ATG10: variants seen among roughly 807,000 people sequenced by gnomAD.
The protein encoded by ATG10 is ubiquitin-like-conjugating enzyme ATG10.
A neutral mutation model predicts 32.1 loss-of-function variants in ATG10; 30 were observed. The observed-to-expected ratio is 0.94, with a 90% confidence interval of 0.70 to 1.27. ATG10 has a LOEUF of 1.27. ATG10 is among the 50% of genes most tolerant of loss of function. The pLI, the probability that ATG10 is intolerant of heterozygous loss-of-function variation, is 0.00. For missense variants in ATG10, 233 were observed against 262.3 expected (o/e 0.89, Z 0.77); for synonymous variants, 87 against 91.5 (o/e 0.95, Z 0.28).
chr5:82,125,499 C>T (rs907299672), intron 3 of ATG10, among the ~76,000 whole-genome samples: 6 of 152,158 alleles, frequency 3.9e-5, no homozygotes, highest in Non-Finnish European at 8.8e-5. Flanking sequence ...TATGGCTAGC[C>T]AGTTTTCCCA....
At chr5:82,037,822 A>G (rs1206108602) in intron 2 of ATG10, among the ~76,000 whole-genome samples, 2 of 152,172 alleles carry the variant, frequency 1.3e-5, no homozygotes, top group Non-Finnish European at 2.9e-5. Flanking sequence ...TTACATTGAC[A>G]GATTTTCTAA....
At chr5:82,236,688 GTC>G (rs1383905469) in intron 5 of ATG10, among the ~76,000 whole-genome samples, 3 of 152,130 alleles carry the variant, frequency 2.0e-5, no homozygotes, top group Non-Finnish European at 4.4e-5. Context: ...TTGATGAACT[GTC>G]TTTCTTTGGT....
chr5:82,227,356 T>C (rs1746172664), intron 5 of ATG10, among the ~76,000 whole-genome samples: 1 of 151,686 alleles, frequency 6.6e-6, no homozygotes, highest in Non-Finnish European at 1.5e-5. Flanking sequence ...CACACACATA[T>C]ATATATATTT....
At chr5:82,061,177 A>C (rs1222925308) in intron 3 of ATG10, among the ~76,000 whole-genome samples, 1 of 152,134 alleles carries the variant, frequency 6.6e-6, no homozygotes, top group Non-Finnish European at 1.5e-5. Context: ...TAACAGCAGA[A>C]GTTTAGAACA....
intron 2 of ATG10, among the ~76,000 whole-genome samples, chr5:81,993,107 A>C (rs1031700984): frequency 6.6e-6 from 1 of 152,096 alleles, no homozygotes; most frequent in Non-Finnish European, 1.5e-5. Flanking sequence ...TCACAGTCAG[A>C]CAGATCCAGG....
At chr5:82,114,682 T>C (rs1472401083) in intron 3 of ATG10, among the ~76,000 whole-genome samples, 2 of 152,076 alleles carry the variant, frequency 1.3e-5, no homozygotes, top group African/African-American at 2.4e-5. Flanking sequence ...AATGGGCTAG[T>C]TGGTCTTAGA....
chr5:82,016,564 T>C (rs1762291796), intron 2 of ATG10, among the ~76,000 whole-genome samples: 1 of 152,190 alleles, frequency 6.6e-6, no homozygotes, highest in South Asian at 2.1e-4. Context: ...CTATGTAGGC[T>C]CTTTTTTGGT....
In ATG10 at chr5:81,984,046, A is replaced by G. The variant is rs191610819; in HGVS notation, c.-12-3513A>G. On this transcript the variant is annotated intron_variant, in intron 1 of 7. Transcript: ENST00000282185. The stretch of plus-strand genomic sequence containing the variant: ...GGGTGGCAGCCAGGCAGAGGCTGCA[A>G]TCTCGGCACTTTGGGAGGCCAAGGC... 3.5e-3 allele frequency among the ~76,000 whole-genome samples: 530 copies of G among 152,312 alleles called. 4 individuals are homozygous for G. Among genetic ancestry groups the G allele is most frequent in the African/African-American group, 0.012 (504 of 41,580 alleles).
intron 3 of ATG10, among the ~76,000 whole-genome samples, chr5:82,131,651 T>C (rs1766530050): frequency 1.3e-5 from 2 of 152,082 alleles, no homozygotes; most frequent in Non-Finnish European, 2.9e-5. Context: ...CTTTTTTTTT[T>C]TTTTGATCAC....
intron 2 of ATG10, among the ~76,000 whole-genome samples, chr5:82,026,555 C>G (rs972801051): frequency 2.0e-5 from 3 of 151,964 alleles, no homozygotes; most frequent in Non-Finnish European, 2.9e-5. Context: ...CTAGGTGTTG[C>G]TAAGTAAAAC....
rs368398510 is a variant in ATG10 at position 82,164,355 on chromosome 5, C to A, written c.217-44C>A. 86 of 1,589,800 alleles carry A rather than the reference C, an allele frequency of 5.4e-5. No individual in the cohort carries two copies. In the African/African-American group the frequency reaches 1.1e-3, roughly 20 times the overall value. ...TTTTCCTCTCCATGTTAGTACTTTT[C>A]TTATTAAGAAACCCGTTTTCGTTTT... On this transcript the variant is annotated intron_variant, in intron 3 of 7. Transcript: ENST00000282185.
At chr5:82,068,711 C>CAAGTATAT (rs1284361931) in intron 3 of ATG10, among the ~76,000 whole-genome samples, 1 of 134,238 alleles carries the variant, frequency 7.4e-6, no homozygotes, top group Non-Finnish European at 1.5e-5. Flanking sequence ...ATATATATAT[C>CAAGTATAT]AAGTATATAT....
chr5:82,046,363 A>C (rs1326531956), intron 2 of ATG10, among the ~76,000 whole-genome samples: 1 of 152,200 alleles, frequency 6.6e-6, no homozygotes, highest in Non-Finnish European at 1.5e-5. Flanking sequence ...GAAGAGGGAA[A>C]TTTGGCCACA....
intron 5 of ATG10, among the ~76,000 whole-genome samples, chr5:82,248,516 T>C (rs1747122847): frequency 6.6e-6 from 1 of 152,220 alleles, no homozygotes; most frequent in Admixed American, 6.5e-5. Context: ...ATTCCCTCTG[T>C]TTCTAACTTG....
chr5:82,085,144 A>T (rs547366999), intron 3 of ATG10, among the ~76,000 whole-genome samples: 1 of 152,260 alleles, frequency 6.6e-6, no homozygotes, highest in Admixed American at 6.5e-5. Flanking sequence ...CAGATCTACC[A>T]AGCAAATGGA....
intron 2 of ATG10, among the ~76,000 whole-genome samples, chr5:82,049,896 T>G (rs1763352446): frequency 6.6e-6 from 1 of 152,202 alleles, no homozygotes; most frequent in Admixed American, 6.5e-5. Context: ...AGTGAACTGT[T>G]ACTTTTTCTT....
At chr5:82,228,014 T>G (rs1047139304) in intron 5 of ATG10, among the ~76,000 whole-genome samples, 1 of 152,108 alleles carries the variant, frequency 6.6e-6, no homozygotes, top group Non-Finnish European at 1.5e-5. Flanking sequence ...AAGACCAGCC[T>G]GGGCAATATA....
At chr5:82,036,155 T>C (rs1762911751) in intron 2 of ATG10, among the ~76,000 whole-genome samples, 1 of 152,182 alleles carries the variant, frequency 6.6e-6, no homozygotes. Flanking sequence ...TTCATACTGA[T>C]TACTGACCCA....
intron 5 of ATG10, among the ~76,000 whole-genome samples, chr5:82,193,099 T>A (rs777704298): frequency 3.7e-4 from 57 of 152,198 alleles, no homozygotes; most frequent in Non-Finnish European, 1.3e-4. Context: ...TGGGCCTCAG[T>A]GAGAATCTGC....
Sources: gnomAD v4.1 joint callset for allele counts (sites outside exome capture counted in the v4.1 genomes callset) on GRCh38, gnomAD v4.1.1 for gene constraint, MANE v1.5 for transcripts, NCBI Gene and HGNC (gene_info 2026-07-23, HGNC 2026-07-21) for gene names.